Variants in CCND3 observed in about 807,000 individuals in gnomAD.
The protein encoded by CCND3 is cyclin D3, also known as G1/S-specific cyclin-D3.
A neutral mutation model predicts 28.7 loss-of-function variants in CCND3; 9 were observed. That is an observed-to-expected ratio of 0.31 (90% CI 0.19 to 0.55). CCND3 has a LOEUF of 0.55. Ranked by LOEUF, CCND3 falls within the 20% of genes least tolerant of loss-of-function variation. The probability of loss-of-function intolerance (pLI) is 0.93; values close to 1 mark genes in which losing one functional copy is unlikely to be tolerated. For missense variants in CCND3, 315 were observed against 385.8 expected (o/e 0.82, Z 1.54); for synonymous variants, 164 against 163.9 (o/e 1.00, Z 0.00).
intron 1 of CCND3, among the ~76,000 whole-genome samples, chr6:41,963,270 C>T (rs751506211): frequency 6.6e-6 from 1 of 152,198 alleles, no homozygotes; most frequent in Non-Finnish European, 1.5e-5. Flanking sequence ...AATATCACCT[C>T]TGCAAAGAGC....
chr6:41,975,733 TTGAC>T (rs1305176445), intron 1 of CCND3, among the ~76,000 whole-genome samples: 1 of 150,328 alleles, frequency 6.7e-6, no homozygotes, highest in Non-Finnish European at 1.5e-5. Context: ...TCTTGCTTGC[TTGAC>T]TTTTTTTTTT....
intron 1 of CCND3, among the ~76,000 whole-genome samples, chr6:41,949,204 G>A (rs928642506): frequency 6.6e-6 from 1 of 152,164 alleles, no homozygotes; most frequent in African/African-American, 2.4e-5. Context: ...GAAAAAGGCT[G>A]GGTGTGGTGG....
At chr6:41,962,696 C>G (rs887979870) in intron 1 of CCND3, among the ~76,000 whole-genome samples, 2 of 152,194 alleles carry the variant, frequency 1.3e-5, no homozygotes, top group African/African-American at 4.8e-5. Flanking sequence ...TTGCAGTGAG[C>G]TGTGATCATG....
intron 1 of CCND3, among the ~76,000 whole-genome samples, chr6:41,964,368 G>A (rs1479505890): frequency 6.9e-6 from 1 of 143,960 alleles, no homozygotes; most frequent in Non-Finnish European, 1.6e-5. Flanking sequence ...GTGTGTATGT[G>A]TGAATGTGTG....
chr6:41,940,407 A>T lies in CCND3; in HGVS notation c.377T>A (p.Ile126Asn). The change falls in exon 2 of 5, where the codon ATC becomes AAC. Residue 126 changes from isoleucine (I) to asparagine (N), a missense_variant. Ile to Asn is a moderately radical substitution (Grantham distance 149). Coordinates refer to ENST00000372991, the MANE Select transcript of CCND3 (RefSeq NM_001760.5). ...TTPLTIEKLCIYTDHAVSPRQ... is the reference protein window; with the variant it reads ...TTPLTIEKLCNYTDHAVSPRQ... ...GGGAGAGACAGCGTGGTCGGTGTAG[A>T]TGCACAGTTTTTCGATGGTCAGGGG... 2 of 1,614,106 alleles carry T rather than the reference A, an allele frequency of 1.2e-6. No homozygotes were observed. Among genetic ancestry groups the T allele is most frequent in the Non-Finnish European group, 1.7e-6 (2 of 1,180,018 alleles).
intron 1 of CCND3, among the ~76,000 whole-genome samples, chr6:42,021,446 C>A (rs564876251): frequency 3.3e-5 from 5 of 152,256 alleles, no homozygotes; most frequent in African/African-American, 1.2e-4. Flanking sequence ...CCCAAAGGCA[C>A]AGAGCAGTCA....
chr6:41,956,250 C>T (rs1776433093), intron 1 of CCND3, among the ~76,000 whole-genome samples: 1 of 152,052 alleles, frequency 6.6e-6, no homozygotes, highest in Admixed American at 6.6e-5. Context: ...CAAGATTGTG[C>T]CACTGCACCC....
At chr6:41,999,059 A>T (rs1380693167) in intron 1 of CCND3, among the ~76,000 whole-genome samples, 1 of 152,116 alleles carries the variant, frequency 6.6e-6, no homozygotes, top group Non-Finnish European at 1.5e-5. Flanking sequence ...TGATGAGAAA[A>T]CTGACATAAA....
intron 1 of CCND3, among the ~76,000 whole-genome samples, chr6:41,975,916 A>T (rs1045293429): frequency 4.0e-5 from 6 of 151,736 alleles, no homozygotes; most frequent in African/African-American, 1.5e-4. Flanking sequence ...ATCATGGCTC[A>T]CTGCAGCCTC....
chr6:42,035,549 A>G (rs920138559), intron 1 of CCND3, among the ~76,000 whole-genome samples: 10 of 151,016 alleles, frequency 6.6e-5, no homozygotes, highest in African/African-American at 2.4e-4. Flanking sequence ...TTGTATTTTC[A>G]GTAGAGACGG....
chr6:42,012,999 C>T (rs531144928), intron 1 of CCND3, among the ~76,000 whole-genome samples: 1 of 152,298 alleles, frequency 6.6e-6, no homozygotes, highest in East Asian at 1.9e-4. Context: ...GAGCCTCTAC[C>T]CACTGGTCCG....
chr6:41,940,109 A>G (rs1775943530), intron 2 of CCND3, among the ~76,000 whole-genome samples: 1 of 152,154 alleles, frequency 6.6e-6, no homozygotes, highest in African/African-American at 2.4e-5. Flanking sequence ...ATCTGGGGGA[A>G]AGACCAGGAA....
intron 1 of CCND3, among the ~76,000 whole-genome samples, chr6:41,950,957 C>T (rs185473757): frequency 3.4e-4 from 52 of 152,186 alleles, no homozygotes; most frequent in African/African-American, 1.2e-3. Flanking sequence ...ATCCGCCCGC[C>T]TCGGCCTCCC....
At chr6:42,032,601 G>A (rs1226988589) in intron 1 of CCND3, among the ~76,000 whole-genome samples, 1 of 152,250 alleles carries the variant, frequency 6.6e-6, no homozygotes, top group East Asian at 1.9e-4. Flanking sequence ...CACTCACAGT[G>A]AGGTATCTTT....
intron 1 of CCND3, among the ~76,000 whole-genome samples, chr6:41,959,827 G>A (rs1007421610): frequency 2.0e-5 from 3 of 151,638 alleles, no homozygotes; most frequent in Non-Finnish European, 4.4e-5. Flanking sequence ...ATGGTGGCAC[G>A]TGCCTGTAGT....
intron 1 of CCND3, among the ~76,000 whole-genome samples, chr6:42,034,975 AT>A (rs946700998): frequency 7.5e-4 from 114 of 152,158 alleles, no homozygotes; most frequent in African/African-American, 2.5e-3. Flanking sequence ...ATTTCCCCCC[AT>A]TCATAGCCTG....
rs570065131 is a variant in CCND3 at position 41,935,586 on chromosome 6, T to C, written c.*354A>G. ...ACCTTTAGAAGGCACTAGAGCATTT[T>C]GGCAGTTGAAAACATGAGAGCCCCC... On this transcript the variant is annotated 3_prime_UTR_variant, in exon 5 of 5. Transcript: ENST00000372991. 2 of 465,984 alleles carry C rather than the reference T, an allele frequency of 4.3e-6. No homozygotes were observed. Among genetic ancestry groups the C allele is most frequent in the South Asian group, 4.7e-5 (1 of 21,402 alleles). The allele number at this position is 465,984 out of a possible 1,614,324, so 28.9% of individuals were successfully genotyped here.
chr6:41,985,361 T>G (rs1008114244), intron 1 of CCND3, among the ~76,000 whole-genome samples: 1 of 127,782 alleles, frequency 7.8e-6, no homozygotes, highest in Non-Finnish European at 1.6e-5. Context: ...TTGCCCAGGC[T>G]GGAGTGCAAT....
At chr6:42,004,431 T>TAC (rs1431046195) in intron 1 of CCND3, among the ~76,000 whole-genome samples, 4 of 152,174 alleles carry the variant, frequency 2.6e-5, no homozygotes, top group Admixed American at 2.6e-4. Context: ...GTCCTATATA[T>TAC]ACAGAATAAC....
Sources: gnomAD v4.1 joint callset for allele counts (sites outside exome capture counted in the v4.1 genomes callset) on GRCh38, gnomAD v4.1.1 for gene constraint, MANE v1.5 for transcripts, NCBI Gene and HGNC (gene_info 2026-07-23, HGNC 2026-07-21) for gene names.